The following NBAS variants were observed in gnomAD, a reference collection of about 807,000 sequenced individuals.
NBAS encodes the protein NBAS subunit of NRZ tethering complex, also known as NAG/BC035112 fusion.
A neutral mutation model predicts 302.5 loss-of-function variants in NBAS; 219 were observed. That is an observed-to-expected ratio of 0.72 (90% CI 0.65 to 0.81). The LOEUF (loss-of-function observed/expected upper bound fraction) is 0.81. NBAS is among the 30% of genes least tolerant of loss of function. NBAS has a pLI of 0.00. For missense variants in NBAS, 2,932 were observed against 2,841.6 expected (o/e 1.03, Z -0.72); for synonymous variants, 1,118 against 1,021.6 (o/e 1.09, Z -1.80).
chr2:15,370,227 A>T (rs910553757), intron 31 of NBAS, among the ~76,000 whole-genome samples: 1 of 152,186 alleles, frequency 6.6e-6, no homozygotes, highest in East Asian at 1.9e-4. Context: ...CAACCTAGGC[A>T]AGTTACTTAA....
chr2:14,827,950 A>T, the NBAS span, among the ~76,000 whole-genome samples: 45 of 152,170 alleles, frequency 3.0e-4, no homozygotes, highest in African/African-American at 1.1e-3. Context: ...TTACAATAAT[A>T]AAAAAAAGAC....
the NBAS span, among the ~76,000 whole-genome samples, chr2:15,122,607 A>G: frequency 6.6e-6 from 1 of 152,278 alleles, no homozygotes; most frequent in Non-Finnish European, 1.5e-5. Context: ...TCAAGGAGAA[A>G]GAGTATGAGG....
chr2:15,383,456 A>C, intron 28 of NBAS, 139 bp from the exon 29 acceptor site: 1 of 716,410 alleles, frequency 1.4e-6, no homozygotes, highest in Non-Finnish European at 2.5e-6. Flanking sequence ...GATCAAAAAG[A>C]ATATATCTCC....
the NBAS span, among the ~76,000 whole-genome samples, chr2:15,029,705 A>C: frequency 6.6e-6 from 1 of 152,240 alleles, no homozygotes; most frequent in African/African-American, 2.4e-5. Context: ...CAGATGAGGA[A>C]GCCCAGAGAG....
At chr2:15,412,402 T>A (rs1212928090) in intron 25 of NBAS, among the ~76,000 whole-genome samples, 1 of 152,138 alleles carries the variant, frequency 6.6e-6, no homozygotes, top group African/African-American at 2.4e-5. Flanking sequence ...GAATAAGACA[T>A]GGGACACAGC....
the NBAS span, among the ~76,000 whole-genome samples, chr2:14,885,421 G>A: frequency 6.6e-6 from 1 of 152,186 alleles, no homozygotes; most frequent in Non-Finnish European, 1.5e-5. Context: ...AATACTAGAA[G>A]AGGTGGAAGT....
chr2:15,358,953 T>C (rs1251441589), intron 32 of NBAS, among the ~76,000 whole-genome samples: 1 of 152,216 alleles, frequency 6.6e-6, no homozygotes, highest in Non-Finnish European at 1.5e-5. Flanking sequence ...CTACAGAAGA[T>C]GCAGAAAGAA....
intron 35 of NBAS, among the ~76,000 whole-genome samples, chr2:15,335,262 T>G (rs1672529462): frequency 6.6e-6 from 1 of 152,142 alleles, no homozygotes; most frequent in African/African-American, 2.4e-5. Context: ...ATTTATATTT[T>G]CTTCTATTAA....
At chr2:15,007,358 T>C in the NBAS span, among the ~76,000 whole-genome samples, 1 of 152,190 alleles carries the variant, frequency 6.6e-6, no homozygotes, top group South Asian at 2.1e-4. Flanking sequence ...TCTATCAATG[T>C]TTTTGATTTT....
At chr2:15,097,500 A>G in the NBAS span, among the ~76,000 whole-genome samples, 1 of 152,128 alleles carries the variant, frequency 6.6e-6, no homozygotes, top group Non-Finnish European at 1.5e-5. Flanking sequence ...CTGATAAACC[A>G]CAGAAATTTG....
At chr2:15,001,340 T>A in the NBAS span, among the ~76,000 whole-genome samples, 49 of 152,258 alleles carry the variant, frequency 3.2e-4, 1 homozygote, top group South Asian at 1.0e-2. Flanking sequence ...GTGCTACATG[T>A]GATTTTATAT....
chr2:14,843,583 A>ACACAC, the NBAS span, among the ~76,000 whole-genome samples: 5 of 94,204 alleles, frequency 5.3e-5, no homozygotes, highest in African/African-American at 6.6e-4. Context: ...CACACACACA[A>ACACAC]AAATACCTTC....
At chr2:15,320,570 G>A (rs1486878557) in intron 38 of NBAS, among the ~76,000 whole-genome samples, 1 of 152,044 alleles carries the variant, frequency 6.6e-6, no homozygotes, top group Non-Finnish European at 1.5e-5. Flanking sequence ...CAAAATCAAG[G>A]TGCAAAAATC....
the NBAS span, among the ~76,000 whole-genome samples, chr2:14,880,315 A>G: frequency 6.6e-6 from 1 of 151,930 alleles, no homozygotes; most frequent in Non-Finnish European, 1.5e-5. Flanking sequence ...TGAAATCACT[A>G]TAAGAGGAAA....
At chr2:15,247,711 T>C (rs1255819323) in intron 44 of NBAS, among the ~76,000 whole-genome samples, 1 of 110,916 alleles carries the variant, frequency 9.0e-6, no homozygotes, top group African/African-American at 2.8e-5. Context: ...TCTCTATATA[T>C]ATCTATATAT....
intron 35 of NBAS, among the ~76,000 whole-genome samples, chr2:15,350,459 C>T (rs1234037287): frequency 2.6e-5 from 4 of 152,204 alleles, no homozygotes; most frequent in South Asian, 4.1e-4. Flanking sequence ...TGTCAGAAAC[C>T]GGGCCACTGT....
At chr2:15,130,495 G>C in the NBAS span, among the ~76,000 whole-genome samples, 609 of 152,316 alleles carry the variant, frequency 4.0e-3, 3 homozygotes, top group African/African-American at 0.014. Flanking sequence ...ACAGTCAATG[G>C]GGCACTTTGG....
chr2:15,180,890 C>T (rs1016430733), intron 50 of NBAS, among the ~76,000 whole-genome samples: 6 of 152,160 alleles, frequency 3.9e-5, no homozygotes, highest in South Asian at 2.1e-4. Flanking sequence ...TCTGATTAAC[C>T]GTCTACTTGC....
Position 15,475,581 on chromosome 2 carries a change from T to G in NBAS, c.1341+106A>C, listed in dbSNP as rs1680153076. The G allele has an allele frequency of 5.1e-6, 6 of 1,182,092 alleles. No individual in the cohort carries two copies. In the South Asian group the frequency reaches 5.8e-5, roughly 11 times the overall value. 73.2% of individuals were successfully genotyped at this position (1,182,092 alleles called of 1,614,324 possible). A position where few individuals can be genotyped will look rare whatever the true frequency, so the allele number is the denominator to read the frequency against. On this transcript the variant is annotated intron_variant, in intron 14 of 51. Transcript: ENST00000281513. ...CCATTACCTGATTCCAATCACAGAT[T>G]TTTATTTTTAAAGAAAAGATAATAA...
Sources: gnomAD v4.1 joint callset for allele counts (sites outside exome capture counted in the v4.1 genomes callset) on GRCh38, gnomAD v4.1.1 for gene constraint, MANE v1.5 for transcripts, NCBI Gene and HGNC (gene_info 2026-07-23, HGNC 2026-07-21) for gene names.